The following MAPK8IP2 variants were observed in gnomAD, a reference collection of about 807,000 sequenced individuals.
MAPK8IP2 encodes mitogen-activated protein kinase 8 interacting protein 2, also known as C-Jun-amino-terminal kinase-interacting protein 2.
MAPK8IP2 carries 15 observed loss-of-function variants against 75.6 expected under a neutral mutation model. That is an observed-to-expected ratio of 0.20 (90% CI 0.13 to 0.31). The LOEUF (loss-of-function observed/expected upper bound fraction) is 0.31. Among genes scored for constraint, MAPK8IP2 ranks in the 10% least tolerant of loss-of-function variants. MAPK8IP2 has a pLI of 1.00. For synonymous variants in MAPK8IP2, 632 were observed against 554.5 expected (o/e 1.14, Z -1.96); for missense variants, 1,089 against 1,211.2 (o/e 0.90, Z 1.50).
intron 8 of MAPK8IP2, among the ~76,000 whole-genome samples, chr22:50,606,409 C>G (rs1040186587): frequency 2.2e-5 from 1 of 46,480 alleles, no homozygotes; most frequent in Non-Finnish European, 5.8e-5. Context: ...CTGAGCCAAG[C>G]GCAGCAGCCT....
chr22:50,600,872 G>C lies in MAPK8IP2; in HGVS notation c.54G>C (p.Pro18=). 7.8e-7 allele frequency: 1 copy of C among 1,284,124 alleles called. No homozygotes were observed. The highest frequency in any genetic ancestry group is 1.4e-5 in the South Asian group (1 of 70,308). The allele number at this position is 1,284,124 out of a possible 1,614,324, so 79.5% of individuals were successfully genotyped here. A position where few individuals can be genotyped will look rare whatever the true frequency, so the allele number is the denominator to read the frequency against. ...TCTCCACCTTCCACTCGCTGTCGCC[G>C]CCGGGCTGCAGGTACCCCCCTCGGC... ...FSLSTFHSLS[P]PGCRPPQDIS... is the part of the protein sequence containing the mutation. The change falls in exon 1 of 12, where the codon CCG becomes CCC. Residue 18 remains proline (P), a synonymous_variant. Coordinates refer to ENST00000329492, the MANE Select transcript of MAPK8IP2 (RefSeq NM_012324.6).
chr22:50,601,742 C>A, intron 1 of MAPK8IP2, 47 bp from the exon 2 acceptor site: 1 of 1,475,422 alleles, frequency 6.8e-7, no homozygotes, highest in Non-Finnish European at 9.5e-7. Flanking sequence ...AGTTGCCAGG[C>A]AGGGAGTCCA....
In MAPK8IP2 at chr22:50,603,847, C is replaced by T. The variant is rs1318089299; in HGVS notation, c.548C>T (p.Pro183Leu). 2.6e-6 allele frequency: 4 copies of T among 1,527,492 alleles called. No individual in the cohort carries two copies. The highest frequency in any genetic ancestry group is 2.5e-5 in the East Asian group (1 of 40,554). The allele number at this position is 1,527,492 out of a possible 1,614,324, so 94.6% of individuals were successfully genotyped here. The change falls in exon 5 of 12, where the codon CCG becomes CTG. Residue 183 changes from proline to leucine, a missense_variant. Around this residue, in one of 2 missense-constraint regions of MAPK8IP2, gnomAD observed 960 missense variants for 1,009.6 expected, o/e 0.95. Coordinates refer to ENST00000329492, the MANE Select transcript of MAPK8IP2 (RefSeq NM_012324.6). ...SPAPEALRELPGPLPATDTGP... is the reference protein window; with the variant it reads ...SPAPEALRELLGPLPATDTGP... ...CCACCTCCCTGCCCAGCAGAGCTCC[C>T]GGGCCCCCTCCCTGCCACGGACACC...
At chr22:50,603,076 A>C (rs1466086220) in intron 2 of MAPK8IP2, 147 bp from the exon 3 acceptor site, 6 of 1,519,374 alleles carry the variant, frequency 3.9e-6, no homozygotes, top group Non-Finnish European at 2.6e-6. Context: ...AGATTTTGAA[A>C]ACATCGCCCT....
rs772745367 is a variant in MAPK8IP2, at chr22:50,604,166, C to G, written c.867C>G (p.Arg289=). 8 of 1,549,218 alleles carry G rather than the reference C, an allele frequency of 5.2e-6. No individual in the cohort carries two copies. Among genetic ancestry groups the G allele is most frequent in the South Asian group, 4.7e-5 (4 of 85,032 alleles). ...ATGGCGGAAGCAGCAGCAGCGGCCG[C>G]TCCTCGCACCTCACCAACTCCATCG... is the stretch of plus-strand genomic sequence containing the variant. ...SSDGGSSSSG[R]SSHLTNSIEE... The change falls in exon 5 of 12, where the codon CGC becomes CGG. Residue 289 remains arginine, a synonymous_variant. Coordinates refer to ENST00000329492, the MANE Select transcript of MAPK8IP2 (RefSeq NM_012324.6).
intron 10 of MAPK8IP2, among the ~76,000 whole-genome samples, chr22:50,608,660 GGGC>G (rs1569067921): frequency 7.2e-6 from 1 of 139,442 alleles, no homozygotes; most frequent in East Asian, 2.2e-4. Context: ...GTGGGACAGC[GGGC>G]AGGGGCGCAG....
At position 50,603,208 on chromosome 22, in the gene MAPK8IP2, C is replaced by T; in HGVS notation, c.172-15C>T. Reference sequence around the variant, plus strand: ...GCCCTCTGGCCCAGCCCTGCTATCTCCCTCCGTCCTGCAGGACAGCCTCTC... The same window carrying T: ...GCCCTCTGGCCCAGCCCTGCTATCTTCCTCCGTCCTGCAGGACAGCCTCTC... On this transcript the variant is annotated splice_polypyrimidine_tract_variant and intron_variant, in intron 2 of 11. Transcript: ENST00000329492. 2.5e-6 allele frequency: 4 copies of T among 1,612,268 alleles called. No homozygotes were observed. Among genetic ancestry groups the T allele is most frequent in the South Asian group, 1.1e-5 (1 of 90,920 alleles).
intron 4 of MAPK8IP2, 35 bp downstream of exon 4, chr22:50,603,754 C>CG (rs1349123724): frequency 1.3e-6 from 2 of 1,538,354 alleles, no homozygotes; most frequent in East Asian, 2.4e-5. Context: ...CGCGGGGAAG[C>CG]GGGGGAGGAG....
chr22:50,602,573 A>G (rs187932533), intron 2 of MAPK8IP2, among the ~76,000 whole-genome samples: 100 of 152,326 alleles, frequency 6.6e-4, no homozygotes, highest in African/African-American at 2.3e-3. Flanking sequence ...CACTGAAGGA[A>G]TCAGGGAGAA....
chr22:50,605,990 G>C, intron 8 of MAPK8IP2, 56 bp downstream of exon 8: 1 of 1,359,302 alleles, frequency 7.4e-7, no homozygotes, highest in Non-Finnish European at 1.0e-6. Flanking sequence ...GGCCACACCA[G>C]CACTGCAGGC....
chr22:50,612,905 C>A lies in MAPK8IP2; in HGVS notation c.*2126C>A, dbSNP rs1257510806. ...CTGGCCCCGCCCCTGCCCGGCCCCG[C>A]CCCCCAACGTGTCTTCAGGTCTCTT... On this transcript the variant is annotated 3_prime_UTR_variant, in exon 12 of 12. Coordinates refer to ENST00000329492, the MANE Select transcript of MAPK8IP2 (RefSeq NM_012324.6). 6.7e-6 allele frequency: 1 copy of A among 148,334 alleles called. No homozygotes were observed. Among genetic ancestry groups the A allele is most frequent in the African/African-American group, 2.5e-5 (1 of 40,468 alleles). The allele number at this position is 148,334 out of a possible 1,614,324, so 9.2% of individuals were successfully genotyped here.
rs970302357 is a variant in MAPK8IP2 at position 50,604,565 on chromosome 22, C to T, written c.1266C>T (p.Pro422=). Reference sequence around the variant, plus strand: ...TGTGCGCGCCGCCGCCGCCCGCGCCCGCCGCGCCTCGACCCGGCCCCGCGC... The same window carrying T: ...TGTGCGCGCCGCCGCCGCCCGCGCCTGCCGCGCCTCGACCCGGCCCCGCGC... ...ETLCAPPPPA[P]AAPRPGPAQP... Residue 422 remains proline (P), a synonymous_variant, in exon 5 of 12, where the codon CCC becomes CCT. Coordinates refer to ENST00000329492, the MANE Select transcript of MAPK8IP2 (RefSeq NM_012324.6). 1.7e-5 allele frequency: 20 copies of T among 1,177,290 alleles called. No homozygotes were observed. Among genetic ancestry groups the T allele is most frequent in the African/African-American group, 4.9e-5 (3 of 61,362 alleles). The allele number at this position is 1,177,290 out of a possible 1,614,324, so 72.9% of individuals were successfully genotyped here. A position where few individuals can be genotyped will look rare whatever the true frequency, so the allele number is the denominator to read the frequency against.
Position 50,603,859 on chromosome 22 carries a change from C to T in MAPK8IP2, c.560C>T (p.Pro187Leu). ...CCAGCAGAGCTCCCGGGCCCCCTCC[C>T]TGCCACGGACACCGGGCCCGGCGGG... ...EALRELPGPL[P>L]ATDTGPGGAQ... Residue 187 changes from proline to leucine, a missense_variant, in exon 5 of 12, where the codon CCT becomes CTT. This residue lies in a region of MAPK8IP2 where 960 missense variants were observed against 1,009.6 expected (regional missense o/e 0.95). Transcript: ENST00000329492. 6.5e-7 allele frequency: 1 copy of T among 1,532,592 alleles called. No individual in the cohort carries two copies. Among genetic ancestry groups the T allele is most frequent in the Non-Finnish European group, 8.8e-7 (1 of 1,141,122 alleles). The allele number at this position is 1,532,592 out of a possible 1,614,324, so 94.9% of individuals were successfully genotyped here.
chr22:50,609,705 C>T (rs374824799), intron 10 of MAPK8IP2: 12 of 499,184 alleles, frequency 2.4e-5, no homozygotes, highest in African/African-American at 1.2e-4. Context: ...TGGGCAGTGA[C>T]TCCATGAGCG....
rs2071182644 is a variant in MAPK8IP2, at chr22:50,613,544, C to T, written c.*2765C>T. On this transcript the variant is annotated 3_prime_UTR_variant, in exon 12 of 12. Coordinates refer to ENST00000329492, the MANE Select transcript of MAPK8IP2 (RefSeq NM_012324.6). ...CTGCCTCACTGCACCTGCAAATCCACTTGCACCCACACCCAGGCCAGGGTT... is the reference window on the plus strand; with the variant it reads ...CTGCCTCACTGCACCTGCAAATCCATTTGCACCCACACCCAGGCCAGGGTT... The T allele has an allele frequency of 6.6e-6, 1 of 152,352 alleles. No individual in the cohort carries two copies. The highest frequency in any genetic ancestry group is 2.4e-5 in the African/African-American group (1 of 41,434). 9.4% of individuals were successfully genotyped at this position (152,352 alleles called of 1,614,324 possible).
At chr22:50,601,464 C>G in intron 1 of MAPK8IP2, 1 of 268,636 alleles carries the variant, frequency 3.7e-6, no homozygotes, top group Non-Finnish European at 7.4e-6. Flanking sequence ...TTGCAGCTCC[C>G]CCTCCCCTGC....
intron 10 of MAPK8IP2, among the ~76,000 whole-genome samples, chr22:50,609,096 C>A (rs550113152): frequency 6.6e-6 from 1 of 152,138 alleles, no homozygotes; most frequent in Non-Finnish European, 1.5e-5. Context: ...CCAGACCCCC[C>A]GTCCCCGGTC....
At chr22:50,606,546 A>G in intron 8 of MAPK8IP2, 112 bp from the exon 9 acceptor site, 1 of 776,058 alleles carries the variant, frequency 1.3e-6, no homozygotes. Flanking sequence ...GGTCCTCAGC[A>G]TGTGTGTCCT....
intron 5 of MAPK8IP2, 22 bp downstream of exon 5, chr22:50,605,086 G>C (rs759201482): frequency 1.1e-5 from 17 of 1,608,856 alleles, no homozygotes; most frequent in Non-Finnish European, 1.7e-6. Context: ...GTGGGGAAAA[G>C]GGGGGTGGCC....
Sources: gnomAD v4.1 joint callset for allele counts (sites outside exome capture counted in the v4.1 genomes callset) on GRCh38, gnomAD v4.1.1 for gene constraint, gnomAD v4.1.1 regional missense constraint, MANE v1.5 for transcripts, NCBI Gene and HGNC (gene_info 2026-07-23, HGNC 2026-07-21) for gene names.